The following AHCY variants were observed in gnomAD, a reference collection of about 807,000 sequenced individuals.
AHCY encodes S-adenosyl-L-homocysteine hydrolase.
In AHCY, 24 loss-of-function variants were observed where a neutral mutation model predicts 45.4. The observed-to-expected ratio is 0.53, with a 90% CI of 0.38 to 0.74. The LOEUF (loss-of-function observed/expected upper bound fraction) is 0.74, where lower values mean the gene tolerates loss of function less well. Ranked by LOEUF, AHCY falls within the 30% of genes least tolerant of loss-of-function variation. The pLI, the probability that AHCY is intolerant of heterozygous loss-of-function variation, is 0.00. For synonymous variants in AHCY, 245 were observed against 235.1 expected, an observed-to-expected ratio of 1.04 and a Z score of -0.39; for missense variants, 449 against 594.1, an observed-to-expected ratio of 0.76 and a Z score of 2.54.
At chr20:34,232,103 T>C in the AHCY span, among the ~76,000 whole-genome samples, 1 of 152,210 alleles carries the variant, frequency 6.6e-6, no homozygotes, top group African/African-American at 2.4e-5. Flanking sequence ...GGTCTACACA[T>C]GTGGTAAATG....
chr20:34,276,371 G>A (rs2035910380), downstream of AHCY, among the ~76,000 whole-genome samples: 1 of 152,136 alleles, frequency 6.6e-6, no homozygotes, highest in Non-Finnish European at 1.5e-5. Context: ...GCAGTTAGTA[G>A]GAAAAGCAGG....
the AHCY span, among the ~76,000 whole-genome samples, chr20:34,236,242 C>G: frequency 6.6e-6 from 1 of 151,922 alleles, no homozygotes; most frequent in South Asian, 2.1e-4. Flanking sequence ...TTAAATGATT[C>G]AAGAATCATG....
At chr20:34,256,402 G>C in the AHCY span, among the ~76,000 whole-genome samples, 1 of 152,040 alleles carries the variant, frequency 6.6e-6, no homozygotes, top group Admixed American at 6.6e-5. Flanking sequence ...ACGATCTCTC[G>C]TCTCCACACA....
At chr20:34,246,051 A>C in the AHCY span, 1 of 916,914 alleles carries the variant, frequency 1.1e-6, no homozygotes, top group African/African-American at 1.6e-5. Flanking sequence ...AGTCTCCCCG[A>C]ATAATTTCAT....
At chr20:34,306,649 G>A (rs2122847558), upstream of AHCY, among the ~76,000 whole-genome samples, 1 of 152,304 alleles carries the variant, frequency 6.6e-6, no homozygotes, top group East Asian at 1.9e-4. Flanking sequence ...GATTACAGGT[G>A]TAAGCCACCA....
At chr20:34,307,495 C>T (rs1601693924), upstream of AHCY, among the ~76,000 whole-genome samples, 1 of 152,200 alleles carries the variant, frequency 6.6e-6, no homozygotes, top group East Asian at 1.9e-4. Flanking sequence ...GCCTCAGCCT[C>T]CTGAGCAGCT....
intron 9 of AHCY, among the ~76,000 whole-genome samples, chr20:34,282,919 C>G (rs1448640784): frequency 6.6e-6 from 1 of 152,224 alleles, no homozygotes; most frequent in Non-Finnish European, 1.5e-5. Context: ...ACAGCTTTTA[C>G]ATTCCCAAGT....
the AHCY span, among the ~76,000 whole-genome samples, chr20:34,272,480 C>A: frequency 6.6e-6 from 1 of 152,218 alleles, no homozygotes; most frequent in African/African-American, 2.4e-5. Flanking sequence ...ACTGCCCTCA[C>A]TTCAGACACC....
chr20:34,294,836 T>G (rs6119488), intron 2 of AHCY, among the ~76,000 whole-genome samples: 1,679 of 152,232 alleles, frequency 0.011, 33 homozygotes, highest in African/African-American at 0.039. Flanking sequence ...TCTAAAGCTA[T>G]AAAATCAGAC....
intron 8 of AHCY, among the ~76,000 whole-genome samples, chr20:34,288,354 A>G (rs192427354): frequency 8.5e-4 from 129 of 152,232 alleles, no homozygotes; most frequent in Non-Finnish European, 1.6e-3. Context: ...CACCAACTCA[A>G]AGAACCTCAC....
chr20:34,260,594 C>T, the AHCY span: 37 of 1,514,090 alleles, frequency 2.4e-5, no homozygotes, highest in Non-Finnish European at 2.9e-5. Context: ...ATCAAGCATG[C>T]TTCCCAGGGT....
the AHCY span, among the ~76,000 whole-genome samples, chr20:34,247,921 G>A: frequency 2.0e-5 from 3 of 152,164 alleles, no homozygotes; most frequent in Admixed American, 6.5e-5. Context: ...AATTGCCCCT[G>A]AAGGCCGGGC....
intron 9 of AHCY, 49 bp from the exon 10 acceptor site, chr20:34,281,214 C>A: frequency 6.2e-7 from 1 of 1,609,598 alleles, no homozygotes; most frequent in East Asian, 2.2e-5. Flanking sequence ...TTTCTGGGAC[C>A]CCTACACGCG....
At chr20:34,235,856 G>GAAAGA in the AHCY span, among the ~76,000 whole-genome samples, 1 of 42,514 alleles carries the variant, frequency 2.4e-5, no homozygotes, top group African/African-American at 3.4e-4. Flanking sequence ...AAGGAAGGAA[G>GAAAGA]GAAGGAAGGA....
the AHCY span, among the ~76,000 whole-genome samples, chr20:34,251,458 T>G: frequency 1.3e-5 from 2 of 151,978 alleles, no homozygotes; most frequent in Admixed American, 1.3e-4. Context: ...TATTTTTTAA[T>G]AGAGACGGGG....
upstream of AHCY, among the ~76,000 whole-genome samples, chr20:34,305,278 C>T (rs1294109079): frequency 6.6e-6 from 1 of 151,906 alleles, no homozygotes; most frequent in Non-Finnish European, 1.5e-5. Context: ...GAGCCGAGAT[C>T]GCACCACTGC....
At chr20:34,258,745 C>CA in the AHCY span, among the ~76,000 whole-genome samples, 1 of 57,404 alleles carries the variant, frequency 1.7e-5, no homozygotes, top group Non-Finnish European at 3.1e-5. Context: ...TATATATATA[C>CA]TATATATAAT....
At position 34,290,146 on chromosome 20, in the gene AHCY, A is replaced by C. The variant is rs1235501942; in HGVS notation, c.972+186T>G. On this transcript the variant is annotated intron_variant, in intron 8 of 9. Transcript: ENST00000217426. This position sits in a 1 kb window ranked among gnomAD's most constrained non-coding sequence, Gnocchi z 4.5. ...TCACCACATACAGCTCACCTGCCTG[A>C]TACCTTCAGGGATGCCGGCTGCCCA... Among the ~76,000 whole-genome samples the C allele has an allele frequency of 1.3e-5, 2 of 152,168 alleles. No homozygotes were observed. Among genetic ancestry groups the C allele is most frequent in the Non-Finnish European group, 2.9e-5 (2 of 68,040 alleles).
In AHCY at chr20:34,280,509, T is replaced by G; in HGVS notation, c.*525A>C. The G allele has an allele frequency of 5.4e-6, 1 of 185,214 alleles. No individual in the cohort carries two copies. The allele number at this position is 185,214 out of a possible 1,614,324, so 11.5% of individuals were successfully genotyped here. The stretch of plus-strand genomic sequence containing the variant: ...ATTCTAACCCCTGTAAAACAGGGAC[T>G]AAAAGTACTAACCTCATTGTAATGA... On this transcript the variant is annotated 3_prime_UTR_variant, in exon 10 of 10. Coordinates refer to ENST00000217426, the MANE Select transcript of AHCY (RefSeq NM_000687.4).
Sources: gnomAD v4.1 joint callset for allele counts (sites outside exome capture counted in the v4.1 genomes callset) on GRCh38, gnomAD v4.1.1 for gene constraint, Gnocchi (gnomAD v3.1) non-coding constraint, MANE v1.5 for transcripts, NCBI Gene and HGNC (gene_info 2026-07-23, HGNC 2026-07-21) for gene names.